The following ST7 variants were observed in gnomAD, a reference collection of about 807,000 sequenced individuals.
ST7 encodes the protein suppression of tumorigenicity 7, also known as suppressor of tumorigenicity 7 protein.
Under a neutral mutation model 78.7 loss-of-function variants are expected in ST7, and 28 were observed. The ratio of observed to expected loss-of-function variants is 0.36; its 90% CI spans 0.26 to 0.49. ST7 has a LOEUF of 0.49. ST7 is among the 20% of genes least tolerant of loss of function. ST7 has a pLI of 0.99. For synonymous variants in ST7, 247 were observed against 249.6 expected (o/e 0.99, Z 0.10); for missense variants, 418 against 696.0 (o/e 0.60, Z 4.49).
intron 9 of ST7, among the ~76,000 whole-genome samples, chr7:117,170,473 G>A (rs1807904746): frequency 6.6e-6 from 1 of 152,114 alleles, no homozygotes; most frequent in East Asian, 1.9e-4. Context: ...ATGAGGTCAG[G>A]AGATCAAGAC....
intron 1 of ST7, among the ~76,000 whole-genome samples, chr7:116,989,388 A>G (rs2116373435): frequency 6.6e-6 from 1 of 152,300 alleles, no homozygotes; most frequent in Admixed American, 6.5e-5. Context: ...ATAGCCTGTC[A>G]ATCTTCATTG....
At chr7:117,091,236 C>T (rs1247237037) in intron 1 of ST7, among the ~76,000 whole-genome samples, 1 of 152,178 alleles carries the variant, frequency 6.6e-6, no homozygotes, top group Non-Finnish European at 1.5e-5. Context: ...AAGACCTTAT[C>T]AGACCCCAAG....
chr7:117,070,212 G>C lies in ST7; in HGVS notation c.152-29550G>C, dbSNP rs1286308944. On this transcript the variant is annotated intron_variant, in intron 1 of 15. Coordinates refer to ENST00000323984, the MANE Select transcript of ST7 (RefSeq NM_001369598.1). ...AGCTTGTTTCAGCTTTCTACTCTGA[G>C]TGTTGTGAAAAGAGGCCAGACTTAA... Among the ~76,000 whole-genome samples, 4 of 152,194 alleles carry C rather than the reference G, an allele frequency of 2.6e-5. No homozygotes were observed. The East Asian group carries it at 7.7e-4, about 29-fold the overall frequency.
chr7:117,059,321 T>C (rs1314652913), intron 1 of ST7, among the ~76,000 whole-genome samples: 1 of 152,184 alleles, frequency 6.6e-6, no homozygotes, highest in East Asian at 1.9e-4. Flanking sequence ...ACATATCTAC[T>C]ATGTACCCAC....
At chr7:117,025,687 C>T (rs1405432449) in intron 1 of ST7, among the ~76,000 whole-genome samples, 3 of 152,150 alleles carry the variant, frequency 2.0e-5, no homozygotes, top group African/African-American at 7.2e-5. Context: ...GGAACATAGT[C>T]ATACAGGAGC....
intron 1 of ST7, among the ~76,000 whole-genome samples, chr7:116,965,360 A>T (rs946803859): frequency 6.6e-6 from 1 of 150,462 alleles, no homozygotes; most frequent in Non-Finnish European, 1.5e-5. Context: ...AAAAAAAAAA[A>T]TTCTATGGAC....
intron 15 of ST7, among the ~76,000 whole-genome samples, chr7:117,226,590 C>T (rs2116226401): frequency 6.6e-6 from 1 of 152,304 alleles, no homozygotes; most frequent in Middle Eastern, 3.4e-3. Context: ...AGCAAGTCTG[C>T]ACCTCCAGAC....
intron 1 of ST7, among the ~76,000 whole-genome samples, chr7:117,027,723 G>A (rs1173879816): frequency 6.6e-6 from 1 of 151,918 alleles, no homozygotes; most frequent in African/African-American, 2.4e-5. Flanking sequence ...TCTCTAAAAT[G>A]AATGAATGAT....
intron 12 of ST7, among the ~76,000 whole-genome samples, chr7:117,208,898 TGTGG>T (rs1031842658): frequency 3.7e-4 from 35 of 95,556 alleles, no homozygotes; most frequent in African/African-American, 1.2e-3. Context: ...TGGGTGTATG[TGTGG>T]GTGTGTGTGT....
chr7:116,964,124 G>GT (rs1379403263), intron 1 of ST7, among the ~76,000 whole-genome samples: 1 of 152,212 alleles, frequency 6.6e-6, no homozygotes. Context: ...TAAGGAAGTA[G>GT]TTTTTACACA....
intron 9 of ST7, among the ~76,000 whole-genome samples, chr7:117,168,667 C>G (rs1296048277): frequency 1.3e-5 from 2 of 152,178 alleles, no homozygotes. Context: ...AAGTTCGGAC[C>G]ATCAGTCTTA....
chr7:117,195,838 C>T (rs73470825), intron 12 of ST7, among the ~76,000 whole-genome samples: 3,290 of 152,256 alleles, frequency 0.022, 109 homozygotes, highest in African/African-American at 0.073. Flanking sequence ...ACTATATGCA[C>T]ATCACTGTAC....
intron 2 of ST7, among the ~76,000 whole-genome samples, chr7:117,107,399 C>A (rs935464493): frequency 3.3e-5 from 5 of 151,956 alleles, no homozygotes; most frequent in African/African-American, 1.2e-4. Flanking sequence ...TAAAAGTATT[C>A]CCTTTTCACC....
chr7:117,089,657 T>C (rs2428288), intron 1 of ST7, among the ~76,000 whole-genome samples: 116,124 of 150,516 alleles, frequency 0.77, 45,669 homozygotes, highest in East Asian at 0.99. Flanking sequence ...CTGCAACCTC[T>C]ACCTCTTGGG....
At chr7:117,011,290 A>G (rs1469528389) in intron 1 of ST7, among the ~76,000 whole-genome samples, 1 of 152,144 alleles carries the variant, frequency 6.6e-6, no homozygotes. Context: ...CTGAATTAGG[A>G]CAATACATCC....
In ST7 at chr7:117,035,130, T is replaced by G. The variant is rs1022901231; in HGVS notation, c.152-64632T>G. Among the ~76,000 whole-genome samples, 18 of 151,866 alleles carry G rather than the reference T, an allele frequency of 1.2e-4. No individual in the cohort carries two copies. The East Asian group carries it at 2.5e-3, about 21-fold the overall frequency. On this transcript the variant is annotated intron_variant, in intron 1 of 15. Transcript: ENST00000323984. ...TGGCAAGCTGGGCAGTTTTTTTTTT[T>G]TTTTTTTTTTTAAAGATATAAAATA...
chr7:117,051,025 T>TA (rs1797767182), intron 1 of ST7, among the ~76,000 whole-genome samples: 1 of 152,220 alleles, frequency 6.6e-6, no homozygotes, highest in Non-Finnish European at 1.5e-5. Flanking sequence ...CCAATATGTT[T>TA]ATTGCAGAAA....
At chr7:117,032,487 A>C (rs2116199509) in intron 1 of ST7, among the ~76,000 whole-genome samples, 1 of 152,236 alleles carries the variant, frequency 6.6e-6, no homozygotes, top group Admixed American at 6.5e-5. Context: ...GACTCTAATA[A>C]ATCTATGGAT....
chr7:116,967,440 AG>A (rs1793180523), intron 1 of ST7: 1 of 470,826 alleles, frequency 2.1e-6, no homozygotes, highest in Non-Finnish European at 4.4e-6. Context: ...GAATTTGGTC[AG>A]GCAGCTTGTG....
Sources: allele counts gnomAD v4.1 joint callset (sites outside exome capture counted in the v4.1 genomes callset), GRCh38; gene constraint gnomAD v4.1.1; transcripts MANE v1.5; gene names NCBI Gene and HGNC (gene_info 2026-07-23, HGNC 2026-07-21).